The following DAPK1 variants were observed in gnomAD, a reference collection of about 807,000 sequenced individuals.
DAPK1 encodes death associated protein kinase 1, also known as death-associated protein kinase 1.
DAPK1 carries 56 observed loss-of-function variants against 144.9 expected under a neutral mutation model. That is an observed-to-expected ratio of 0.39 (90% confidence interval 0.31 to 0.48). The LOEUF (loss-of-function observed/expected upper bound fraction) is 0.48, where lower values mean the gene tolerates loss of function less well. Among genes scored for constraint, DAPK1 ranks in the 20% least tolerant of loss-of-function variants. The pLI, the probability that DAPK1 is intolerant of heterozygous loss-of-function variation, is 0.95. For missense variants in DAPK1, 1,454 were observed against 1,875.4 expected, an observed-to-expected ratio of 0.78 and a Z score of 4.15; for synonymous variants, 690 against 749.0, an observed-to-expected ratio of 0.92 and a Z score of 1.29.
At chr9:87,532,809 T>G (rs1243615601) in intron 2 of DAPK1, among the ~76,000 whole-genome samples, 1 of 152,206 alleles carries the variant, frequency 6.6e-6, no homozygotes, top group Admixed American at 6.5e-5. Context: ...TTGGTAGAAC[T>G]GTACAGGGAA....
At chr9:87,523,260 A>G (rs1825368913) in intron 2 of DAPK1, among the ~76,000 whole-genome samples, 1 of 152,140 alleles carries the variant, frequency 6.6e-6, no homozygotes, top group South Asian at 2.1e-4. Flanking sequence ...TTAATCTTTT[A>G]TGGGTTTTGT....
At chr9:87,602,537 T>C (rs769191424) in intron 2 of DAPK1, among the ~76,000 whole-genome samples, 3 of 152,162 alleles carry the variant, frequency 2.0e-5, no homozygotes, top group Non-Finnish European at 4.4e-5. Flanking sequence ...ATATAGAACA[T>C]TTGGAGGTGA....
intron 2 of DAPK1, among the ~76,000 whole-genome samples, chr9:87,545,470 A>G (rs10868621): frequency 0.29 from 43,404 of 152,112 alleles, 6,501 homozygotes; most frequent in Middle Eastern, 0.42. Context: ...AGAAGAAAAT[A>G]GGCAAACTAG....
intron 2 of DAPK1, chr9:87,553,518 T>C (rs1306962595): frequency 1.4e-5 from 2 of 147,888 alleles, no homozygotes; most frequent in Non-Finnish European, 3.0e-5. Context: ...TTTTTTGAGA[T>C]GGAGTCTCGG....
At chr9:87,520,232 A>G (rs1198279710) in intron 2 of DAPK1, among the ~76,000 whole-genome samples, 1 of 152,152 alleles carries the variant, frequency 6.6e-6, no homozygotes, top group Non-Finnish European at 1.5e-5. Context: ...GGGTTCCAGA[A>G]TTGTGTAAAC....
chr9:87,587,040 G>A (rs893293434), intron 2 of DAPK1, among the ~76,000 whole-genome samples: 1 of 152,174 alleles, frequency 6.6e-6, no homozygotes, highest in Non-Finnish European at 1.5e-5. Flanking sequence ...TATATCCTTA[G>A]CAAGATCAAA....
chr9:87,635,612 G>A (rs563916165), intron 3 of DAPK1, among the ~76,000 whole-genome samples: 30 of 152,274 alleles, frequency 2.0e-4, no homozygotes, highest in Middle Eastern at 6.8e-3. Context: ...TGCTACAGGG[G>A]TGACAGTGGC....
intron 3 of DAPK1, among the ~76,000 whole-genome samples, chr9:87,609,492 T>G (rs1828851546): frequency 6.6e-6 from 1 of 152,228 alleles, no homozygotes. Flanking sequence ...TGTTATAATT[T>G]TTTTTCTTTT....
intron 19 of DAPK1, among the ~76,000 whole-genome samples, chr9:87,678,763 G>A (rs1824498623): frequency 6.6e-6 from 1 of 152,128 alleles, no homozygotes; most frequent in Non-Finnish European, 1.5e-5. Flanking sequence ...GGGGCATTTT[G>A]TTACAGGGTG....
At chr9:87,518,758 G>A (rs1556) in intron 2 of DAPK1, among the ~76,000 whole-genome samples, 92,878 of 151,802 alleles carry the variant, frequency 0.61, 28,743 homozygotes, top group South Asian at 0.83. Context: ...TGACATATCA[G>A]TGTCTACACA....
intron 3 of DAPK1, chr9:87,633,393 G>T (rs1330047726): frequency 2.0e-6 from 2 of 985,016 alleles, no homozygotes; most frequent in Non-Finnish European, 2.4e-6. Context: ...GGCCTTCTGG[G>T]CATCAGTTGA....
intron 3 of DAPK1, among the ~76,000 whole-genome samples, chr9:87,620,749 T>G (rs1303823939): frequency 6.6e-6 from 1 of 152,056 alleles, no homozygotes; most frequent in East Asian, 1.9e-4. Context: ...AGCCTTCCCT[T>G]GTTTTCAACT....
At chr9:87,533,581 G>C (rs1563979293) in intron 2 of DAPK1, among the ~76,000 whole-genome samples, 2 of 152,212 alleles carry the variant, frequency 1.3e-5, no homozygotes, top group Admixed American at 6.5e-5. Context: ...GACCAGTGAG[G>C]AACCTTTTGA....
chr9:87,566,796 CACTA>C (rs1193150565), intron 2 of DAPK1, among the ~76,000 whole-genome samples: 5 of 152,186 alleles, frequency 3.3e-5, no homozygotes, highest in Non-Finnish European at 7.4e-5. Flanking sequence ...AAGCAGCAAA[CACTA>C]ACAAGCTGGT....
chr9:87,640,515 T>C, intron 8 of DAPK1, 65 bp downstream of exon 8: 1 of 1,531,326 alleles, frequency 6.5e-7, no homozygotes, highest in Non-Finnish European at 8.9e-7. Flanking sequence ...CCTGTGTCTG[T>C]TCCATGCACA....
intron 2 of DAPK1, among the ~76,000 whole-genome samples, chr9:87,560,165 A>ATT (rs35103434): frequency 6.7e-6 from 1 of 148,176 alleles, no homozygotes; most frequent in Non-Finnish European, 1.5e-5. Context: ...TAATTTTTGT[A>ATT]TTTTTTTTTT....
intron 2 of DAPK1, among the ~76,000 whole-genome samples, chr9:87,526,574 C>T (rs1825516006): frequency 1.3e-5 from 2 of 152,196 alleles, no homozygotes; most frequent in African/African-American, 2.4e-5. Flanking sequence ...TTTTCCAATG[C>T]CTTCCTGGTA....
In DAPK1 at chr9:87,605,021, A is replaced by G; in HGVS notation, c.130A>G (p.Ile44Val). The change falls in exon 3 of 26, where the codon ATC becomes GTC. Residue 44 changes from isoleucine to valine, a missense_variant. By Grantham distance (29) the Ile-to-Val change is conservative. Around this residue, in one of 2 missense-constraint regions of DAPK1, gnomAD observed 429 missense variants for 637.5 expected, o/e 0.67. Transcript: ENST00000408954. ...CGGCCTCCAGTATGCCGCCAAATTC[A>G]TCAAGAAAAGGAGGACTAAGTCCAG... is the stretch of plus-strand genomic sequence containing the variant. Reference protein sequence around the residue: ...STGLQYAAKFIKKRRTKSSRR... With the variant: ...STGLQYAAKFVKKRRTKSSRR... 6.2e-7 allele frequency: 1 copy of G among 1,614,220 alleles called. No homozygotes were observed.
At position 87,653,158 on chromosome 9, in the gene DAPK1, C is replaced by T. The variant is rs374383122; in HGVS notation, c.1824+1434C>T. Among the ~76,000 whole-genome samples the T allele has an allele frequency of 9.9e-5, 14 of 141,218 alleles. No individual in the cohort carries two copies. In the East Asian group the frequency reaches 2.3e-3, roughly 23 times the overall value. 92.6% of individuals were successfully genotyped at this position (141,218 alleles called of 152,430 possible). On this transcript the variant is annotated intron_variant, in intron 17 of 25. Transcript: ENST00000408954. ...CCAGGTCCTGATTCTGTGTCCATCC[C>T]CCCGATCCTGGGTCCTGATTCTGTG...
Sources: allele counts gnomAD v4.1 joint callset (sites outside exome capture counted in the v4.1 genomes callset), GRCh38; gene constraint gnomAD v4.1.1; regional missense constraint gnomAD v4.1.1; transcripts MANE v1.5; gene names NCBI Gene and HGNC (gene_info 2026-07-23, HGNC 2026-07-21).